The following MOXD1 variants were observed in gnomAD, a reference collection of about 807,000 sequenced individuals.
The protein encoded by MOXD1 is monooxygenase DBH like 1.
MOXD1 carries 62 observed loss-of-function variants against 66.6 expected under a neutral mutation model. The ratio of observed to expected loss-of-function variants is 0.93; its 90% confidence interval spans 0.76 to 1.15. The LOEUF (loss-of-function observed/expected upper bound fraction) is 1.15, where lower values mean the gene tolerates loss of function less well. MOXD1 is among the 50% of genes most tolerant of loss of function. MOXD1 has a pLI of 0.00. For synonymous variants in MOXD1, 303 were observed against 281.9 expected, an observed-to-expected ratio of 1.07 and a Z score of -0.75; for missense variants, 847 against 754.6, an observed-to-expected ratio of 1.12 and a Z score of -1.44.
At chr6:132,300,152 T>C (rs1774500352) in intron 10 of MOXD1, among the ~76,000 whole-genome samples, 1 of 152,096 alleles carries the variant, frequency 6.6e-6, no homozygotes, top group African/African-American at 2.4e-5. Flanking sequence ...AATGCATTAT[T>C]TTATACAAAG....
At chr6:132,351,089 G>A (rs1297477194) in intron 4 of MOXD1, among the ~76,000 whole-genome samples, 2 of 152,094 alleles carry the variant, frequency 1.3e-5, no homozygotes, top group African/African-American at 4.8e-5. Context: ...ACAGCAAACA[G>A]GGACAGTTTG....
At position 132,297,188 on chromosome 6, in the gene MOXD1, G is replaced by C; in HGVS notation, c.1807C>G (p.Leu603Val). Residue 603 changes from leucine to valine, a missense_variant, in exon 12 of 12, where the codon CTA (leucine) becomes GTA (valine). Transcript: ENST00000367963. ...FSINLLVCLL[L>V]LSCTLSTKSL is the part of the protein sequence containing the mutation. Reference sequence around the variant, plus strand: ...TTGGTGCTCAGCGTGCAGCTGAGTAGCAGAAGGCAAACAAGCAAGTTGATG... The same window carrying C: ...TTGGTGCTCAGCGTGCAGCTGAGTACCAGAAGGCAAACAAGCAAGTTGATG... The C allele has an allele frequency of 1.2e-6, 2 of 1,613,546 alleles. No homozygotes were observed. Among genetic ancestry groups the C allele is most frequent in the Non-Finnish European group, 1.7e-6 (2 of 1,179,632 alleles).
intron 1 of MOXD1, among the ~76,000 whole-genome samples, chr6:132,385,153 T>C (rs1349196269): frequency 6.6e-6 from 1 of 152,104 alleles, no homozygotes; most frequent in Non-Finnish European, 1.5e-5. Context: ...TAACAAGAAG[T>C]GCCATTTGTA....
intron 8 of MOXD1, 135 bp from the exon 9 acceptor site, chr6:132,320,823 G>A (rs1369991943): frequency 4.6e-6 from 3 of 657,338 alleles, no homozygotes; most frequent in Non-Finnish European, 7.6e-6. Flanking sequence ...GAAGACCCCT[G>A]ATCTGTTTAA....
At chr6:132,342,482 GTTTTAC>G (rs1394942453) in intron 4 of MOXD1, among the ~76,000 whole-genome samples, 1 of 152,046 alleles carries the variant, frequency 6.6e-6, no homozygotes, top group Non-Finnish European at 1.5e-5. Flanking sequence ...ACAGTTCATT[GTTTTAC>G]TACTTGCTGC....
At chr6:132,340,942 G>C (rs940490701) in intron 4 of MOXD1, among the ~76,000 whole-genome samples, 1 of 151,984 alleles carries the variant, frequency 6.6e-6, no homozygotes, top group South Asian at 2.1e-4. Flanking sequence ...CACTGCGCCC[G>C]GCAAGACTCA....
rs1775139176 is a variant in MOXD1, at chr6:132,324,108, AG to A, written c.947-12del. 1.9e-6 allele frequency: 3 copies of A among 1,606,352 alleles called. No homozygotes were observed. Among genetic ancestry groups the A allele is most frequent in the Middle Eastern group, 3.5e-4 (2 of 5,732 alleles). On this transcript the variant is annotated splice_polypyrimidine_tract_variant and intron_variant, in intron 6 of 11. Coordinates refer to ENST00000367963, the MANE Select transcript of MOXD1 (RefSeq NM_015529.4). ...AATTATCTATTAAGCCTAGAACAAAAGCACATAATTAAAGTGATTTTTGGTT... is the reference window on the plus strand; with the variant it reads ...AATTATCTATTAAGCCTAGAACAAAACACATAATTAAAGTGATTTTTGGTT...
intron 4 of MOXD1, among the ~76,000 whole-genome samples, chr6:132,368,506 A>G (rs907722762): frequency 6.6e-6 from 1 of 152,148 alleles, no homozygotes; most frequent in African/African-American, 2.4e-5. Context: ...ATCAAAATAC[A>G]AATCAATAAA....
intron 10 of MOXD1, among the ~76,000 whole-genome samples, chr6:132,314,171 C>T (rs183210540): frequency 1.3e-5 from 2 of 152,308 alleles, no homozygotes; most frequent in Non-Finnish European, 2.9e-5. Flanking sequence ...GTTCCCCTAA[C>T]ACCATTCACA....
chr6:132,315,558 AATGGATCCAGT>A (rs1774925899), intron 10 of MOXD1, 66 bp downstream of exon 10: 1 of 1,443,352 alleles, frequency 6.9e-7, no homozygotes, highest in African/African-American at 1.4e-5. Flanking sequence ...ATAATGTGGT[AATGGATCCAGT>A]ATGACAATAA....
chr6:132,360,178 C>A (rs1361087673), intron 4 of MOXD1, among the ~76,000 whole-genome samples: 2 of 152,158 alleles, frequency 1.3e-5, no homozygotes, highest in African/African-American at 4.8e-5. Context: ...TTTTTTTAGT[C>A]AATGAATGCT....
At chr6:132,323,510 T>A (rs192322290) in intron 7 of MOXD1, among the ~76,000 whole-genome samples, 2 of 152,298 alleles carry the variant, frequency 1.3e-5, no homozygotes, top group Admixed American at 1.3e-4. Context: ...TATATTTTTT[T>A]ATATTAGTTA....
chr6:132,384,986 G>A (rs1193282872), intron 1 of MOXD1, among the ~76,000 whole-genome samples: 2 of 152,230 alleles, frequency 1.3e-5, no homozygotes, highest in African/African-American at 4.8e-5. Context: ...GGTCCTGCAG[G>A]TTCAAGCTTG....
intron 9 of MOXD1, among the ~76,000 whole-genome samples, chr6:132,316,409 A>G (rs185266590): frequency 6.6e-6 from 1 of 152,140 alleles, no homozygotes; most frequent in African/African-American, 2.4e-5. Flanking sequence ...GATTTATCAG[A>G]CAATGACTTG....
At chr6:132,361,808 A>G (rs971877666) in intron 4 of MOXD1, among the ~76,000 whole-genome samples, 4 of 152,206 alleles carry the variant, frequency 2.6e-5, no homozygotes, top group African/African-American at 9.6e-5. Context: ...ATTTTTCTTC[A>G]TAAAAGAGAT....
chr6:132,297,103 A>ATTACCTCAATGCTTTTTGT lies in MOXD1; in HGVS notation c.*49_*50insACAAAAAGCATTGAGGTAA, dbSNP rs1774418212. The ATTACCTCAATGCTTTTTGT allele has an allele frequency of 6.3e-7, 1 of 1,582,604 alleles. No homozygotes were observed. The highest frequency in any genetic ancestry group is 1.4e-5 in the African/African-American group (1 of 73,870). ...ACACAGTCTTTAACCTGTACTTCAAATGACAGGTTCAGATCATAGAAAACA... is the reference window on the plus strand; with the variant it reads ...ACACAGTCTTTAACCTGTACTTCAAATTACCTCAATGCTTTTTGTTGACAGGTTCAGATCATAGAAAACA... On this transcript the variant is annotated 3_prime_UTR_variant, in exon 12 of 12. Transcript: ENST00000367963.
chr6:132,319,709 T>C (rs1299850070), intron 9 of MOXD1, among the ~76,000 whole-genome samples: 3 of 151,964 alleles, frequency 2.0e-5, no homozygotes, highest in Admixed American at 6.5e-5. Flanking sequence ...TGATAACAAA[T>C]ACCCTTATAT....
intron 10 of MOXD1, among the ~76,000 whole-genome samples, chr6:132,306,794 T>C (rs1774702669): frequency 6.6e-6 from 1 of 152,154 alleles, no homozygotes; most frequent in African/African-American, 2.4e-5. Context: ...ATAAAATCCT[T>C]TTCAGACAAG....
At chr6:132,318,244 G>GTA (rs1190249868) in intron 9 of MOXD1, among the ~76,000 whole-genome samples, 3 of 151,966 alleles carry the variant, frequency 2.0e-5, no homozygotes, top group African/African-American at 7.2e-5. Context: ...ATTGAGTAGA[G>GTA]TATATATGAA....
Sources: gnomAD v4.1 joint callset for allele counts (sites outside exome capture counted in the v4.1 genomes callset) on GRCh38, gnomAD v4.1.1 for gene constraint, MANE v1.5 for transcripts, NCBI Gene and HGNC (gene_info 2026-07-23, HGNC 2026-07-21) for gene names.